SYT10: variants seen among roughly 807,000 people sequenced by gnomAD.
The protein encoded by SYT10 is synaptotagmin 10, also known as synaptotagmin-10.
In SYT10, 31 loss-of-function variants were observed where a neutral mutation model predicts 51.1. The ratio of observed to expected loss-of-function variants is 0.61; its 90% CI spans 0.46 to 0.82. The LOEUF is 0.82. Among genes scored for constraint, SYT10 ranks in the 40% least tolerant of loss-of-function variants. SYT10 has a pLI of 0.00. For missense variants in SYT10, 603 were observed against 634.0 expected, an observed-to-expected ratio of 0.95 and a Z score of 0.53; for synonymous variants, 233 against 225.9, an observed-to-expected ratio of 1.03 and a Z score of -0.28.
At chr12:33,427,237 T>C (rs1866560597) in intron 1 of SYT10, among the ~76,000 whole-genome samples, 1 of 152,052 alleles carries the variant, frequency 6.6e-6, no homozygotes, top group Non-Finnish European at 1.5e-5. Flanking sequence ...TTAGTGTTCT[T>C]ATAAAGTAGG....
intron 2 of SYT10, among the ~76,000 whole-genome samples, chr12:33,415,160 T>C (rs1361427198): frequency 6.6e-6 from 1 of 152,208 alleles, no homozygotes; most frequent in Admixed American, 6.5e-5. Flanking sequence ...AGGGCAAATT[T>C]AGGCACATCA....
intron 3 of SYT10, among the ~76,000 whole-genome samples, chr12:33,396,237 T>C (rs1205397478): frequency 6.6e-6 from 1 of 152,188 alleles, no homozygotes; most frequent in African/African-American, 2.4e-5. Flanking sequence ...ATTTAAGATA[T>C]TGATTTTATT....
rs756849181 is a variant in SYT10, at chr12:33,376,788, G to T, written c.*42C>A. ...ACTTTTTTTCTGATTCAATGAGCAC[G>T]TGATCCTAGATGCTTAATATCATGG... is the stretch of plus-strand genomic sequence containing the variant. On this transcript the variant is annotated 3_prime_UTR_variant, in exon 7 of 7. Transcript: ENST00000228567. 6.2e-7 allele frequency: 1 copy of T among 1,607,822 alleles called. No homozygotes were observed. The highest frequency in any genetic ancestry group is 8.5e-7 in the Non-Finnish European group (1 of 1,174,540).
intron 1 of SYT10, 150 bp downstream of exon 1, chr12:33,439,222 A>T (rs1337541259): frequency 5.0e-6 from 5 of 1,009,788 alleles, no homozygotes; most frequent in African/African-American, 1.6e-5. Context: ...AGTCGTCAGG[A>T]GCTGAGCGAA....
chr12:33,432,194 G>A (rs1420680402), intron 1 of SYT10: 2 of 151,920 alleles, frequency 1.3e-5, no homozygotes, highest in South Asian at 2.1e-4. Flanking sequence ...TGATTAAAAA[G>A]CATTGTGCCA....
chr12:33,414,979 G>C (rs997915471), intron 2 of SYT10, among the ~76,000 whole-genome samples: 1 of 152,168 alleles, frequency 6.6e-6, no homozygotes, highest in Non-Finnish European at 1.5e-5. Context: ...TAAAGACGGA[G>C]CTGCTCTGGT....
chr12:33,388,594 A>T (rs1176855531), intron 3 of SYT10, among the ~76,000 whole-genome samples: 1 of 152,190 alleles, frequency 6.6e-6, no homozygotes, highest in Non-Finnish European at 1.5e-5. Flanking sequence ...TTTTTATTCC[A>T]TTCTCATACA....
chr12:33,385,416 T>C (rs1366729605), intron 3 of SYT10, 125 bp from the exon 4 acceptor site: 23 of 1,345,292 alleles, frequency 1.7e-5, no homozygotes, highest in Non-Finnish European at 2.3e-5. Flanking sequence ...CAGATAACAT[T>C]GCAAGAAAGC....
At chr12:33,425,218 G>A in intron 2 of SYT10, among the ~76,000 whole-genome samples, 1 of 152,098 alleles carries the variant, frequency 6.6e-6, no homozygotes, top group Non-Finnish European at 1.5e-5. Flanking sequence ...AGATTAGGAA[G>A]TCAATCAGTT....
chr12:33,426,625 T>A (rs1866555887), intron 1 of SYT10, 130 bp from the exon 2 acceptor site: 11 of 865,006 alleles, frequency 1.3e-5, no homozygotes, highest in Non-Finnish European at 1.9e-5. Context: ...TTTTAAGTTA[T>A]CTTTGTAGGA....
At chr12:33,396,799 G>A (rs1486281655) in intron 3 of SYT10, among the ~76,000 whole-genome samples, 1 of 151,690 alleles carries the variant, frequency 6.6e-6, no homozygotes, top group Non-Finnish European at 1.5e-5. Context: ...TTCTGCCTCA[G>A]CCTCCCAAAT....
chr12:33,399,657 G>A (rs1866285453), intron 3 of SYT10, among the ~76,000 whole-genome samples: 1 of 152,064 alleles, frequency 6.6e-6, no homozygotes, highest in African/African-American at 2.4e-5. Flanking sequence ...AAGTAGGCTG[G>A]CTGAGTTAGG....
At chr12:33,419,499 T>C (rs954290872) in intron 2 of SYT10, among the ~76,000 whole-genome samples, 2 of 152,198 alleles carry the variant, frequency 1.3e-5, no homozygotes, top group Non-Finnish European at 2.9e-5. Context: ...TTCAGTAATT[T>C]ACCTTTATTC....
intron 4 of SYT10, among the ~76,000 whole-genome samples, chr12:33,383,659 T>C (rs1866134903): frequency 6.6e-6 from 1 of 152,162 alleles, no homozygotes; most frequent in African/African-American, 2.4e-5. Flanking sequence ...GGCCTTCTAA[T>C]GAACAGTGAG....
intron 1 of SYT10, among the ~76,000 whole-genome samples, chr12:33,428,546 A>G (rs548109424): frequency 1.3e-5 from 2 of 152,216 alleles, no homozygotes; most frequent in Non-Finnish European, 2.9e-5. Context: ...TTTAACAAGT[A>G]TATCTTTAGT....
At chr12:33,430,950 C>T (rs1866591865) in intron 1 of SYT10, among the ~76,000 whole-genome samples, 1 of 152,162 alleles carries the variant, frequency 6.6e-6, no homozygotes, top group African/African-American at 2.4e-5. Context: ...TTAATAGTGA[C>T]TGAAACAAGA....
At chr12:33,419,057 T>TA (rs1378914090) in intron 2 of SYT10, among the ~76,000 whole-genome samples, 1 of 152,108 alleles carries the variant, frequency 6.6e-6, no homozygotes, top group Non-Finnish European at 1.5e-5. Flanking sequence ...CTGCCTCCTC[T>TA]ACATAAAAAG....
At chr12:33,396,126 C>T (rs1866254021) in intron 3 of SYT10, among the ~76,000 whole-genome samples, 1 of 152,106 alleles carries the variant, frequency 6.6e-6, no homozygotes, top group Non-Finnish European at 1.5e-5. Flanking sequence ...TCTCAAAATC[C>T]TGCCCAGAAT....
Position 33,426,062 on chromosome 12 carries a change from TCACACACA to T in SYT10, c.509+68_509+75del, listed in dbSNP as rs3046353. ...TAAAGTTTTTCTCTCTTATGAAATT[TCACACACA>T]CACACACACACACACACACACACAC... On this transcript the variant is annotated intron_variant, in intron 2 of 6. Coordinates refer to ENST00000228567, the MANE Select transcript of SYT10 (RefSeq NM_198992.4). 43,217 of 1,202,004 alleles carry T rather than the reference TCACACACA, an allele frequency of 0.036. 2,917 individuals carry two copies. In the East Asian group the frequency reaches 0.44, roughly 12 times the overall value. 74.5% of individuals were successfully genotyped at this position (1,202,004 alleles called of 1,614,324 possible). A position where few individuals can be genotyped will look rare whatever the true frequency, so the allele number is the denominator to read the frequency against.
Sources: allele counts gnomAD v4.1 joint callset (sites outside exome capture counted in the v4.1 genomes callset), GRCh38; gene constraint gnomAD v4.1.1; transcripts MANE v1.5; gene names NCBI Gene and HGNC (gene_info 2026-07-23, HGNC 2026-07-21).